XRCC4: variants seen among roughly 807,000 people sequenced by gnomAD.
The protein encoded by XRCC4 is X-ray repair cross complementing 4, also known as DNA repair protein XRCC4.
In XRCC4, 28 loss-of-function variants were observed where a neutral mutation model predicts 39.1. The ratio of observed to expected loss-of-function variants is 0.72; its 90% CI spans 0.53 to 0.98. The LOEUF is 0.98. Ranked by LOEUF, XRCC4 falls within the 50% of genes least tolerant of loss-of-function variation. XRCC4 has a pLI of 0.00. For synonymous variants in XRCC4, 123 were observed against 126.4 expected (o/e 0.97, Z 0.18); for missense variants, 350 against 376.4 (o/e 0.93, Z 0.58).
chr5:83,282,356 A>T (rs976652082), intron 7 of XRCC4, among the ~76,000 whole-genome samples: 11 of 152,150 alleles, frequency 7.2e-5, no homozygotes, highest in Non-Finnish European at 1.0e-4. Context: ...AACATTAGAA[A>T]ATTGGTTAAG....
At chr5:83,263,794 T>C (rs1753852005) in intron 7 of XRCC4, among the ~76,000 whole-genome samples, 1 of 151,452 alleles carries the variant, frequency 6.6e-6, no homozygotes, top group African/African-American at 2.4e-5. Flanking sequence ...ATTTTGTAGG[T>C]TGCCTGTTCA....
At chr5:83,079,890 G>T (rs1442770641) in intron 1 of XRCC4, among the ~76,000 whole-genome samples, 2 of 152,160 alleles carry the variant, frequency 1.3e-5, no homozygotes, top group Admixed American at 6.5e-5. Flanking sequence ...TCCAACTTTG[G>T]TTTCATGGGT....
intron 7 of XRCC4, among the ~76,000 whole-genome samples, chr5:83,274,229 G>A (rs1352026794): frequency 6.6e-6 from 1 of 152,036 alleles, no homozygotes; most frequent in African/African-American, 2.4e-5. Flanking sequence ...TTCCAAGTCA[G>A]GTTAATTACT....
In XRCC4 at chr5:83,204,825, A is replaced by G. The variant is rs1348464342; in HGVS notation, c.649A>G (p.Ile217Val). Residue 217 changes from isoleucine (I) to valine (V), a missense_variant, in exon 6 of 8, where the codon ATC becomes GTC. Transcript: ENST00000396027. ...KDIKQEGETA[I>V]CSEMTADRDP... ...TTTCTCTGTTTCTAGGGAAACTGCA[A>G]TCTGTTCTGAAATGACTGCTGACCG... 8 of 1,607,914 alleles carry G rather than the reference A, an allele frequency of 5.0e-6. No individual in the cohort carries two copies. The East Asian group carries it at 1.6e-4, about 31-fold the overall frequency.
At chr5:83,355,860 C>T (rs1757184303), downstream of XRCC4, among the ~76,000 whole-genome samples, 1 of 152,012 alleles carries the variant, frequency 6.6e-6, no homozygotes, top group South Asian at 2.1e-4. Flanking sequence ...CTGGTCTCAA[C>T]CTCCTAACCT....
chr5:83,221,336 A>T (rs1339611182), intron 6 of XRCC4, among the ~76,000 whole-genome samples: 2 of 152,114 alleles, frequency 1.3e-5, no homozygotes, highest in Admixed American at 1.3e-4. Context: ...CAACTGAAAG[A>T]ACTGATGCAC....
At chr5:83,094,239 A>C (rs1745563273) in intron 1 of XRCC4, among the ~76,000 whole-genome samples, 6 of 151,722 alleles carry the variant, frequency 4.0e-5, no homozygotes, top group Admixed American at 3.9e-4. Context: ...TATTATGTAT[A>C]GGTTAGGTCT....
chr5:83,175,290 CT>C (rs1749901958), intron 3 of XRCC4, among the ~76,000 whole-genome samples: 1 of 152,128 alleles, frequency 6.6e-6, no homozygotes, highest in Admixed American at 6.6e-5. Flanking sequence ...AATTTTTAAA[CT>C]TTTCTTGTAT....
rs372806438 is a variant in XRCC4 at position 83,285,844 on chromosome 5, T to C, written c.893+27167T>C. The stretch of plus-strand genomic sequence containing the variant: ...GGCTTTGTTCAGCGGGGCGGAGGCA[T>C]GGTTCATGATTCCCTCCACTGTCAC... On this transcript the variant is annotated intron_variant, in intron 7 of 7. Transcript: ENST00000396027. Among the ~76,000 whole-genome samples, 30 of 152,238 alleles carry C rather than the reference T, an allele frequency of 2.0e-4. No individual in the cohort carries two copies. In the East Asian group the frequency reaches 5.0e-3, roughly 25 times the overall value.
At chr5:83,250,805 A>G (rs1753279305) in intron 6 of XRCC4, among the ~76,000 whole-genome samples, 1 of 152,268 alleles carries the variant, frequency 6.6e-6, no homozygotes, top group Non-Finnish European at 1.5e-5. Context: ...AAAAGCATCT[A>G]TATAAGAAGA....
chr5:83,360,054 A>G, the XRCC4 span, among the ~76,000 whole-genome samples: 14 of 152,316 alleles, frequency 9.2e-5, no homozygotes, highest in Admixed American at 3.3e-4. Context: ...GAAGAACTTC[A>G]CAAAGATGGC....
intron 3 of XRCC4, among the ~76,000 whole-genome samples, chr5:83,163,048 C>A (rs1580314170): frequency 6.6e-6 from 1 of 150,614 alleles, no homozygotes; most frequent in Admixed American, 6.6e-5. Flanking sequence ...CTCCCAAGTT[C>A]AAGCAATTCT....
chr5:83,351,988 A>G (rs1032637540), intron 7 of XRCC4, among the ~76,000 whole-genome samples: 3 of 152,096 alleles, frequency 2.0e-5, no homozygotes, highest in African/African-American at 4.8e-5. Context: ...ATAGTTTCCA[A>G]ATTCTTTGTG....
intron 1 of XRCC4, among the ~76,000 whole-genome samples, chr5:83,082,753 G>A (rs941028160): frequency 1.3e-5 from 2 of 151,328 alleles, no homozygotes; most frequent in Admixed American, 6.6e-5. Context: ...AGCCCTTTAG[G>A]TATCATTAGT....
intron 2 of XRCC4, among the ~76,000 whole-genome samples, chr5:83,108,436 A>G (rs1244835945): frequency 6.6e-6 from 1 of 151,936 alleles, no homozygotes; most frequent in Non-Finnish European, 1.5e-5. Context: ...AATATTCCGT[A>G]ATAATCAGCA....
intron 7 of XRCC4, among the ~76,000 whole-genome samples, chr5:83,336,454 T>A (rs1197947433): frequency 6.6e-6 from 1 of 152,128 alleles, no homozygotes; most frequent in African/African-American, 2.4e-5. Flanking sequence ...TTATTGATTG[T>A]GAGATTGAGG....
chr5:83,173,400 GTTAC>G (rs1439444783), intron 3 of XRCC4, among the ~76,000 whole-genome samples: 1 of 152,088 alleles, frequency 6.6e-6, no homozygotes, highest in Admixed American at 6.6e-5. Flanking sequence ...TACTATATAA[GTTAC>G]TTCTTTATAA....
intron 1 of XRCC4, among the ~76,000 whole-genome samples, chr5:83,089,976 G>A (rs528069243): frequency 6.6e-6 from 1 of 152,254 alleles, no homozygotes; most frequent in South Asian, 2.1e-4. Flanking sequence ...GGACTTCAAT[G>A]CCCTTCTGTG....
chr5:83,312,410 T>G (rs1755738752), intron 7 of XRCC4, among the ~76,000 whole-genome samples: 1 of 152,188 alleles, frequency 6.6e-6, no homozygotes, highest in African/African-American at 2.4e-5. Flanking sequence ...ATAGAATTAC[T>G]TTCTAAGCAA....
Sources: allele counts gnomAD v4.1 joint callset (sites outside exome capture counted in the v4.1 genomes callset), GRCh38; gene constraint gnomAD v4.1.1; transcripts MANE v1.5; gene names NCBI Gene and HGNC (gene_info 2026-07-23, HGNC 2026-07-21).